Variants in DUSP19 observed in about 807,000 individuals in gnomAD.
The protein encoded by DUSP19 is dual specificity phosphatase 19.
Under a neutral mutation model 16.6 loss-of-function variants are expected in DUSP19, and 14 were observed. The observed-to-expected ratio is 0.84, with a 90% CI of 0.56 to 1.32. DUSP19 has a LOEUF of 1.32. Ranked by LOEUF, DUSP19 falls within the 40% of genes most tolerant of loss-of-function variation. The pLI, the probability that DUSP19 is intolerant of heterozygous loss-of-function variation, is 0.00. For missense variants in DUSP19, 258 were observed against 255.9 expected, an observed-to-expected ratio of 1.01 and a Z score of -0.06; for synonymous variants, 81 against 90.5, an observed-to-expected ratio of 0.90 and a Z score of 0.59.
chr2:183,079,106 A>AT lies in DUSP19; in HGVS notation c.173_174insT (p.Gln58HisfsTer4), dbSNP rs1559126093. Reference sequence around the variant, plus strand: ...AGTGGGGGTGGTTGTGGTTATGTGCAGGACCTTAGCTCGGACCTGCAAGTT... The same window carrying AT: ...AGTGGGGGTGGTTGTGGTTATGTGCATGGACCTTAGCTCGGACCTGCAAGTT... On this transcript the variant is annotated frameshift_variant, in exon 1 of 4. Coordinates refer to ENST00000354221, the MANE Select transcript of DUSP19 (RefSeq NM_080876.4). LOFTEE classifies it high-confidence loss of function. The AT allele has an allele frequency of 6.2e-7, 1 of 1,614,134 alleles. No individual in the cohort carries two copies. Among genetic ancestry groups the AT allele is most frequent in the South Asian group, 1.1e-5 (1 of 91,086 alleles).
intron 3 of DUSP19, among the ~76,000 whole-genome samples, chr2:183,092,924 G>C (rs374137698): frequency 1.3e-5 from 2 of 151,762 alleles, no homozygotes; most frequent in African/African-American, 4.8e-5. Context: ...GGCTGGTCTC[G>C]GACTCCTGAC....
At chr2:183,094,389 T>C (rs1699770500) in intron 3 of DUSP19, among the ~76,000 whole-genome samples, 1 of 152,194 alleles carries the variant, frequency 6.6e-6, no homozygotes, top group Non-Finnish European at 1.5e-5. Flanking sequence ...GCTCTCGTCT[T>C]TTTTTGTGTT....
At chr2:183,093,451 A>G (rs1699757763) in intron 3 of DUSP19, among the ~76,000 whole-genome samples, 1 of 152,210 alleles carries the variant, frequency 6.6e-6, no homozygotes, top group African/African-American at 2.4e-5. Context: ...TGTACCAAGA[A>G]GAGCAAAGGT....
At chr2:183,085,320 G>A (rs1484213543) in intron 2 of DUSP19, among the ~76,000 whole-genome samples, 2 of 152,156 alleles carry the variant, frequency 1.3e-5, no homozygotes, top group African/African-American at 2.4e-5. Flanking sequence ...AGAAGAGTCC[G>A]CAGTGGGAAA....
At position 183,095,207 on chromosome 2, in the gene DUSP19, A is replaced by G. The variant is rs74419311; in HGVS notation, c.427-224A>G. Among the ~76,000 whole-genome samples the G allele has an allele frequency of 3.5e-3, 539 of 152,326 alleles. 3 individuals are homozygous for G. The highest frequency in any genetic ancestry group is 0.013 in the African/African-American group (522 of 41,582). On this transcript the variant is annotated intron_variant, in intron 3 of 3. Transcript: ENST00000354221. ...CAAACATCATTAAAGCATTTCAATC[A>G]TGGGTTAGTAGGTAAGGGAGGTACA...
Position 183,087,134 on chromosome 2 carries a change from C to T in DUSP19, c.368C>T (p.Thr123Ile). The T allele has an allele frequency of 6.2e-7, 1 of 1,613,422 alleles. No individual in the cohort carries two copies. Among genetic ancestry groups the T allele is most frequent in the South Asian group, 1.1e-5 (1 of 91,006 alleles). The change falls in exon 3 of 4, where the codon ACC becomes ATC. Residue 123 changes from threonine (T) to isoleucine (I), a missense_variant. Transcript: ENST00000354221. Reference sequence around the variant, plus strand: ...ATTTCTATATTGGATCTGCCTGAAACCAACATCCTGTCTTATTTTCCAGAA... The same window carrying T: ...ATTTCTATATTGGATCTGCCTGAAATCAACATCCTGTCTTATTTTCCAGAA... Reference protein sequence around the residue: ...KSISILDLPETNILSYFPECF... With the variant: ...KSISILDLPEINILSYFPECF...
chr2:183,093,022 G>A (rs1699752862), intron 3 of DUSP19, among the ~76,000 whole-genome samples: 1 of 152,062 alleles, frequency 6.6e-6, no homozygotes, highest in African/African-American at 2.4e-5. Context: ...TTTAATGGAA[G>A]TTAAATATAA....
chr2:183,079,954 T>C (rs1280252844), intron 1 of DUSP19, among the ~76,000 whole-genome samples: 1 of 152,220 alleles, frequency 6.6e-6, no homozygotes, highest in Non-Finnish European at 1.5e-5. Context: ...GACTGAGAAA[T>C]AGCCCAGGTG....
intron 3 of DUSP19, among the ~76,000 whole-genome samples, chr2:183,093,454 G>A (rs1050235790): frequency 6.6e-6 from 1 of 152,058 alleles, no homozygotes; most frequent in Non-Finnish European, 1.5e-5. Context: ...ACCAAGAAGA[G>A]CAAAGGTCTT....
At chr2:183,088,282 A>G (rs1300146218) in intron 3 of DUSP19, among the ~76,000 whole-genome samples, 5 of 152,122 alleles carry the variant, frequency 3.3e-5, no homozygotes, top group African/African-American at 1.2e-4. Context: ...TGTTTACACC[A>G]CGAAGAAACT....
At position 183,095,688 on chromosome 2, in the gene DUSP19, T is replaced by C. The variant is rs573841927; in HGVS notation, c.*30T>C. On this transcript the variant is annotated 3_prime_UTR_variant, in exon 4 of 4. Transcript: ENST00000354221. ...CATTGTAGCAGACAATGGACAACTG[T>C]AGTTTCTGAATTGACTTCTATAGCC... 2.7e-4 allele frequency: 421 copies of C among 1,552,198 alleles called. 3 individuals are homozygous for C. The South Asian group carries it at 4.6e-3, about 17-fold the overall frequency.
chr2:183,090,252 T>C (rs1018091370), intron 3 of DUSP19, among the ~76,000 whole-genome samples: 2 of 152,262 alleles, frequency 1.3e-5, no homozygotes, highest in Admixed American at 6.5e-5. Context: ...TTTCATCTTT[T>C]TGCATACCGT....
intron 1 of DUSP19, among the ~76,000 whole-genome samples, chr2:183,079,919 C>A (rs1699571604): frequency 6.6e-6 from 1 of 152,310 alleles, no homozygotes; most frequent in South Asian, 2.1e-4. Flanking sequence ...CACTATGCAG[C>A]TAAGGCATTC....
At position 183,097,592 on chromosome 2, in the gene DUSP19, A is replaced by G. The variant is rs1699820011; in HGVS notation, c.*1934A>G. On this transcript the variant is annotated 3_prime_UTR_variant, in exon 4 of 4. Transcript: ENST00000354221. ...ATCACTTGTGATGTTATGAACTGTT[A>G]TAAACTCTTTGCTTCTGCTAAGAAG... The G allele has an allele frequency of 6.6e-6, 1 of 152,166 alleles. No homozygotes were observed. The highest frequency in any genetic ancestry group is 1.5e-5 in the Non-Finnish European group (1 of 68,018). The allele number at this position is 152,166 out of a possible 1,614,324, so 9.4% of individuals were successfully genotyped here. A position where few individuals can be genotyped will look rare whatever the true frequency, so the allele number is the denominator to read the frequency against.
At chr2:183,087,255 C>T in intron 3 of DUSP19, 63 bp downstream of exon 3, 1 of 1,407,524 alleles carries the variant, frequency 7.1e-7, no homozygotes, top group Non-Finnish European at 9.6e-7. Flanking sequence ...GATCCATTAC[C>T]CAATCTTTAT....
Position 183,079,034 on chromosome 2 carries a change from C to T in DUSP19, c.101C>T (p.Thr34Ile), listed in dbSNP as rs1043446125. The change falls in exon 1 of 4, where the codon ACA becomes ATA. Residue 34 changes from threonine to isoleucine, a missense_variant. Thr to Ile is a moderately conservative substitution (Grantham distance 89). Coordinates refer to ENST00000354221, the MANE Select transcript of DUSP19 (RefSeq NM_080876.4). ...CTAACTGGAAAGAAAATTATAGAAA[C>T]ATGGAAAGATGCCAGAATTCATGTT... ...TTLTGKKIIE[T>I]WKDARIHVVE... 1.9e-6 allele frequency: 3 copies of T among 1,613,978 alleles called. No individual in the cohort carries two copies. In the African/African-American group the frequency reaches 4.0e-5, roughly 22 times the overall value.
intron 2 of DUSP19, among the ~76,000 whole-genome samples, chr2:183,085,956 C>A (rs1699656883): frequency 7.3e-6 from 1 of 136,692 alleles, no homozygotes; most frequent in African/African-American, 2.7e-5. Flanking sequence ...ACCTTTACCT[C>A]CTGGGTTCAA....
chr2:183,090,255 C>T (rs1559129756), intron 3 of DUSP19, among the ~76,000 whole-genome samples: 2 of 152,102 alleles, frequency 1.3e-5, no homozygotes, highest in East Asian at 3.8e-4. Context: ...CATCTTTTTG[C>T]ATACCGTTGC....
At chr2:183,089,249 T>A (rs1004263486) in intron 3 of DUSP19, among the ~76,000 whole-genome samples, 1 of 152,190 alleles carries the variant, frequency 6.6e-6, no homozygotes, top group African/African-American at 2.4e-5. Flanking sequence ...TGGGCTCATT[T>A]CACAGTGAGC....
Sources: allele counts gnomAD v4.1 joint callset (sites outside exome capture counted in the v4.1 genomes callset), GRCh38; gene constraint gnomAD v4.1.1; transcripts MANE v1.5; gene names NCBI Gene and HGNC (gene_info 2026-07-23, HGNC 2026-07-21).